ACER3: variants seen among roughly 807,000 people sequenced by gnomAD.
ACER3 encodes the protein alkaline ceramidase 3, also known as alkCDase 3.
In ACER3, 16 loss-of-function variants were observed where a neutral mutation model predicts 48.9. The observed-to-expected ratio is 0.33, with a 90% confidence interval of 0.22 to 0.50. ACER3 has a LOEUF of 0.50. ACER3 is among the 20% of genes least tolerant of loss of function. The pLI is 0.98. For missense variants in ACER3, 227 were observed against 326.0 expected, an observed-to-expected ratio of 0.70 and a Z score of 2.34; for synonymous variants, 109 against 107.8, an observed-to-expected ratio of 1.01 and a Z score of -0.07.
chr11:76,907,325 C>G (rs1255832802), intron 1 of ACER3, among the ~76,000 whole-genome samples: 2 of 150,646 alleles, frequency 1.3e-5, no homozygotes, highest in Admixed American at 6.6e-5. Context: ...TAGATCACAG[C>G]TCACTAGACA....
rs1349355710 is a variant in ACER3 at position 76,888,306 on chromosome 11, A to G, written c.103+27227A>G. ...TTAAAAAAGATCTGAAATTTAAGCT[A>G]TATATTGAATGTATTCCTTAAAATC... On this transcript the variant is annotated intron_variant, in intron 1 of 10. Coordinates refer to ENST00000532485, the MANE Select transcript of ACER3 (RefSeq NM_018367.7). Among the ~76,000 whole-genome samples, 4 of 152,254 alleles carry G rather than the reference A, an allele frequency of 2.6e-5. No individual in the cohort carries two copies. The East Asian group carries it at 7.7e-4, about 29-fold the overall frequency.
chr11:76,877,821 T>C (rs377144980), intron 1 of ACER3, among the ~76,000 whole-genome samples: 2 of 152,266 alleles, frequency 1.3e-5, no homozygotes, highest in East Asian at 3.9e-4. Flanking sequence ...TGTTTATCAT[T>C]TCCTAGCTTT....
At chr11:76,941,108 G>A (rs1947333915) in intron 2 of ACER3, among the ~76,000 whole-genome samples, 1 of 151,558 alleles carries the variant, frequency 6.6e-6, no homozygotes, top group African/African-American at 2.4e-5. Flanking sequence ...AACTTTACCT[G>A]GAAACAGAGA....
At chr11:77,019,680 A>G (rs1555024016) in intron 9 of ACER3, 51 bp from the exon 10 acceptor site, 2 of 1,580,768 alleles carry the variant, frequency 1.3e-6, no homozygotes, top group African/African-American at 1.3e-5. Flanking sequence ...GCCAGTTTGC[A>G]TGAATTCAAA....
At position 76,980,228 on chromosome 11, in the gene ACER3, T is replaced by TA. The variant is rs548229847; in HGVS notation, c.320+3894dup. On this transcript the variant is annotated intron_variant, in intron 4 of 10. Transcript: ENST00000532485. ...TGAGCCATAGTTTGTCACCTTGGTC[T>TA]AAAAAAATAAGGTAAACTCCTTTTA... is the stretch of plus-strand genomic sequence containing the variant. Among the ~76,000 whole-genome samples the TA allele has an allele frequency of 2.9e-3, 435 of 152,282 alleles. 1 individual carries two copies. The highest frequency in any genetic ancestry group is 0.02 in the Middle Eastern group (6 of 294).
intron 7 of ACER3, among the ~76,000 whole-genome samples, chr11:77,012,754 G>C (rs1555022471): frequency 6.6e-6 from 1 of 152,200 alleles, no homozygotes; most frequent in East Asian, 1.9e-4. Context: ...TGATTTGTAG[G>C]TTCTGCAGGC....
At chr11:76,868,654 A>G (rs1379940605) in intron 1 of ACER3, among the ~76,000 whole-genome samples, 1 of 152,204 alleles carries the variant, frequency 6.6e-6, no homozygotes, top group East Asian at 1.9e-4. Context: ...CCCTGGAGGA[A>G]GGAATGCTGC....
At chr11:76,917,496 T>C (rs1946564410) in intron 1 of ACER3, among the ~76,000 whole-genome samples, 1 of 151,930 alleles carries the variant, frequency 6.6e-6, no homozygotes, top group Non-Finnish European at 1.5e-5. Flanking sequence ...GGAGGATCAT[T>C]TCAGCTTAGG....
intron 6 of ACER3, among the ~76,000 whole-genome samples, chr11:76,995,086 T>C (rs528271823): frequency 6.6e-6 from 1 of 152,154 alleles, no homozygotes; most frequent in East Asian, 1.9e-4. Flanking sequence ...CAATACACTA[T>C]AGATATAATA....
rs551339057 is a variant in ACER3 at position 76,959,273 on chromosome 11, G to C, written c.267+242G>C. ...CATCTCTGTGCGGGCATATAAAATT[G>C]AGAGCAGCATTAGAGAGCAGAGTCA... On this transcript the variant is annotated intron_variant, in intron 3 of 10. Transcript: ENST00000532485. The C allele has an allele frequency of 6.8e-6, 9 of 1,322,464 alleles. No individual in the cohort carries two copies. The African/African-American group carries it at 1.3e-4, about 20-fold the overall frequency. The allele number at this position is 1,322,464 out of a possible 1,614,324, so 81.9% of individuals were successfully genotyped here.
chr11:76,975,001 A>G (rs145954864), intron 3 of ACER3, among the ~76,000 whole-genome samples: 4 of 152,352 alleles, frequency 2.6e-5, no homozygotes, highest in Non-Finnish European at 5.9e-5. Context: ...ATGACTAAAA[A>G]TAGTTAACTT....
At chr11:76,980,328 T>C (rs777401916) in intron 4 of ACER3, among the ~76,000 whole-genome samples, 38 of 152,194 alleles carry the variant, frequency 2.5e-4, no homozygotes, top group Non-Finnish European at 5.1e-4. Context: ...CAATTATGAC[T>C]ATACTGAAAA....
intron 2 of ACER3, among the ~76,000 whole-genome samples, chr11:76,950,381 ATATATATATATATATATATATATATATAT>A (rs1947621398): frequency 3.6e-5 from 1 of 27,890 alleles, no homozygotes; most frequent in Admixed American, 2.7e-4. Flanking sequence ...ATATATATAT[ATATATATATATATATATATATATATATAT>A]AATTTACACA....
At chr11:76,992,763 T>C (rs1948829086) in intron 6 of ACER3, among the ~76,000 whole-genome samples, 1 of 152,106 alleles carries the variant, frequency 6.6e-6, no homozygotes, top group African/African-American at 2.4e-5. Flanking sequence ...CTACATACAG[T>C]CAAGCAGACC....
chr11:77,007,169 T>C (rs960435717), intron 7 of ACER3, among the ~76,000 whole-genome samples: 10 of 152,122 alleles, frequency 6.6e-5, no homozygotes, highest in Admixed American at 1.3e-4. Flanking sequence ...CTCAGCTTCT[T>C]GAATCTGTGT....
At chr11:76,900,098 G>C (rs935412009) in intron 1 of ACER3, among the ~76,000 whole-genome samples, 3 of 152,220 alleles carry the variant, frequency 2.0e-5, no homozygotes, top group African/African-American at 4.8e-5. Flanking sequence ...GGAAGCCAAG[G>C]TGGGAAGATT....
At position 77,023,462 on chromosome 11, in the gene ACER3, A is replaced by G. The variant is rs1949502241; in HGVS notation, c.*3135A>G. 3.1e-6 allele frequency: 1 copy of G among 320,350 alleles called. No homozygotes were observed. The highest frequency in any genetic ancestry group is 1.6e-4 in the South Asian group (1 of 6,278). The allele number at this position is 320,350 out of a possible 1,614,324, so 19.8% of individuals were successfully genotyped here. A position where few individuals can be genotyped will look rare whatever the true frequency, so the allele number is the denominator to read the frequency against. ...ATTAGCCAATGCCCTAAAAGCATCT[A>G]ACAATTTAAGGTTATCTTATGAGTC... On this transcript the variant is annotated 3_prime_UTR_variant, in exon 11 of 11. Coordinates refer to ENST00000532485, the MANE Select transcript of ACER3 (RefSeq NM_018367.7).
In ACER3 at chr11:77,023,546, G is replaced by A. The variant is rs1389282493; in HGVS notation, c.*3219G>A. The A allele has an allele frequency of 1.4e-5, 3 of 208,008 alleles. No individual in the cohort carries two copies. Among genetic ancestry groups the A allele is most frequent in the South Asian group, 3.8e-4 (2 of 5,312 alleles). 12.9% of individuals were successfully genotyped at this position (208,008 alleles called of 1,614,324 possible). A position where few individuals can be genotyped will look rare whatever the true frequency, so the allele number is the denominator to read the frequency against. On this transcript the variant is annotated 3_prime_UTR_variant, in exon 11 of 11. Transcript: ENST00000532485. Reference sequence around the variant, plus strand: ...TTTTAGCTACCAACGCCATGTTTACGTGACAAGAAATTGTTTTGGCCCTGT... The same window carrying A: ...TTTTAGCTACCAACGCCATGTTTACATGACAAGAAATTGTTTTGGCCCTGT...
intron 2 of ACER3, among the ~76,000 whole-genome samples, chr11:76,945,784 G>C (rs994803373): frequency 9.9e-5 from 15 of 152,192 alleles, no homozygotes; most frequent in Admixed American, 4.6e-4. Context: ...ATGGGTAATG[G>C]CAATAGTGGT....
Sources: allele counts gnomAD v4.1 joint callset (sites outside exome capture counted in the v4.1 genomes callset), GRCh38; gene constraint gnomAD v4.1.1; transcripts MANE v1.5; gene names NCBI Gene and HGNC (gene_info 2026-07-23, HGNC 2026-07-21).